CTNNA3: variants seen among roughly 807,000 people sequenced by gnomAD.
The protein encoded by CTNNA3 is catenin alpha 3.
Under a neutral mutation model 95.7 loss-of-function variants are expected in CTNNA3, and 76 were observed. The observed-to-expected ratio is 0.79, with a 90% CI of 0.66 to 0.96. The LOEUF (loss-of-function observed/expected upper bound fraction) is 0.96. Ranked by LOEUF, CTNNA3 falls within the 40% of genes least tolerant of loss-of-function variation. CTNNA3 has a pLI of 0.00. For missense variants in CTNNA3, 1,191 were observed against 1,089.8 expected (o/e 1.09, Z -1.31); for synonymous variants, 431 against 374.4 (o/e 1.15, Z -1.74).
intron 17 of CTNNA3, among the ~76,000 whole-genome samples, chr10:65,935,718 T>C (rs1381612770): frequency 1.3e-5 from 2 of 152,148 alleles, no homozygotes. Context: ...GTGTGTGTAA[T>C]TTTTCTTCTT....
intron 1 of CTNNA3, among the ~76,000 whole-genome samples, chr10:67,691,036 C>T (rs551786544): frequency 1.0e-3 from 154 of 152,338 alleles, no homozygotes; most frequent in African/African-American, 3.3e-3. Context: ...CGATTGCAGG[C>T]GCGCGCCGCC....
chr10:67,739,771 T>C (rs1374314684), intron 1 of CTNNA3, among the ~76,000 whole-genome samples: 1 of 152,172 alleles, frequency 6.6e-6, no homozygotes, highest in Non-Finnish European at 1.5e-5. Flanking sequence ...CCCATCAAGC[T>C]GCCAATGACT....
Position 66,904,220 on chromosome 10 carries a change from A to C in CTNNA3, c.1048-128696T>G, listed in dbSNP as rs1845885454. Among the ~76,000 whole-genome samples, 4 of 152,124 alleles carry C rather than the reference A, an allele frequency of 2.6e-5. No individual in the cohort carries two copies. In the East Asian group the frequency reaches 7.7e-4, roughly 29 times the overall value. On this transcript the variant is annotated intron_variant, in intron 7 of 17. Transcript: ENST00000433211. ...CAGAGGCCTGAGAAATAACACATCC[A>C]CAGCCATCTGATCTTTGACAAACCT...
At chr10:67,003,457 C>T (rs553727451) in intron 7 of CTNNA3, among the ~76,000 whole-genome samples, 19 of 152,150 alleles carry the variant, frequency 1.2e-4, no homozygotes, top group South Asian at 4.2e-4. Context: ...AATCAGAGTG[C>T]GGAGAGGTTC....
intron 7 of CTNNA3, among the ~76,000 whole-genome samples, chr10:67,091,992 C>G (rs560543827): frequency 1.3e-4 from 20 of 152,024 alleles, no homozygotes; most frequent in Middle Eastern, 3.4e-3. Context: ...ATAAACTCAA[C>G]TGAAAACCCC....
intron 11 of CTNNA3, among the ~76,000 whole-genome samples, chr10:66,422,489 T>C (rs1394159169): frequency 6.6e-6 from 1 of 152,172 alleles, no homozygotes; most frequent in Non-Finnish European, 1.5e-5. Flanking sequence ...GTAGGTCTAT[T>C]ATATGCATCA....
At chr10:67,566,770 C>G (rs1402468228) in intron 3 of CTNNA3, among the ~76,000 whole-genome samples, 1 of 151,958 alleles carries the variant, frequency 6.6e-6, no homozygotes, top group Non-Finnish European at 1.5e-5. Flanking sequence ...TGGAACCAAC[C>G]CAAATGTCCA....
At chr10:66,839,396 C>T (rs2132342788) in intron 7 of CTNNA3, among the ~76,000 whole-genome samples, 1 of 152,176 alleles carries the variant, frequency 6.6e-6, no homozygotes, top group African/African-American at 2.4e-5. Context: ...TAGTTCTTAG[C>T]TGACATATGA....
At chr10:66,403,733 C>A (rs1461156179) in intron 11 of CTNNA3, among the ~76,000 whole-genome samples, 1 of 152,192 alleles carries the variant, frequency 6.6e-6, no homozygotes, top group African/African-American at 2.4e-5. Flanking sequence ...CAATCCGCTT[C>A]ATTAATAAAC....
At chr10:66,476,822 T>C (rs1003484166) in intron 11 of CTNNA3, among the ~76,000 whole-genome samples, 12 of 152,100 alleles carry the variant, frequency 7.9e-5, no homozygotes, top group African/African-American at 2.4e-4. Context: ...TTGATATTAA[T>C]GACTCCTTAG....
At chr10:66,005,027 C>T (rs531247477) in intron 15 of CTNNA3, among the ~76,000 whole-genome samples, 17 of 152,254 alleles carry the variant, frequency 1.1e-4, no homozygotes, top group African/African-American at 4.1e-4. Flanking sequence ...AGAGGAGAAT[C>T]CATTCTCTCA....
At chr10:67,158,414 A>C (rs903291910) in intron 7 of CTNNA3, among the ~76,000 whole-genome samples, 3 of 152,178 alleles carry the variant, frequency 2.0e-5, no homozygotes, top group African/African-American at 7.2e-5. Context: ...TCAAGCTTTG[A>C]CTATTCTGGC....
intron 12 of CTNNA3, among the ~76,000 whole-genome samples, chr10:66,305,494 C>A (rs1292639893): frequency 2.0e-5 from 3 of 152,176 alleles, no homozygotes; most frequent in African/African-American, 7.2e-5. Context: ...TTCCTTCCAC[C>A]ATCCTGATTC....
chr10:66,545,527 T>C (rs1174071187), intron 10 of CTNNA3, among the ~76,000 whole-genome samples: 1 of 152,084 alleles, frequency 6.6e-6, no homozygotes, highest in Non-Finnish European at 1.5e-5. Context: ...CCTATATGCA[T>C]CAGTGTCTTC....
At chr10:66,795,136 G>A (rs1052036917) in intron 7 of CTNNA3, among the ~76,000 whole-genome samples, 3 of 152,086 alleles carry the variant, frequency 2.0e-5, no homozygotes, top group African/African-American at 7.2e-5. Context: ...AATCATGAAT[G>A]TTCTTAATGG....
At chr10:67,742,742 G>C (rs1443684148) in intron 1 of CTNNA3, among the ~76,000 whole-genome samples, 1 of 150,838 alleles carries the variant, frequency 6.6e-6, no homozygotes, top group Admixed American at 6.6e-5. Context: ...CAACAAAATT[G>C]ATAGACCGCT....
intron 7 of CTNNA3, among the ~76,000 whole-genome samples, chr10:67,055,253 T>C (rs1206060787): frequency 6.6e-6 from 1 of 152,152 alleles, no homozygotes; most frequent in African/African-American, 2.4e-5. Flanking sequence ...CTTCCATAGG[T>C]GTCACCATTA....
chr10:67,668,666 T>TA (rs1422122900), intron 1 of CTNNA3, among the ~76,000 whole-genome samples: 3 of 151,990 alleles, frequency 2.0e-5, no homozygotes, highest in African/African-American at 7.2e-5. Context: ...GATTGAGACA[T>TA]AACAGGATAA....
At chr10:67,183,023 A>T (rs1862639230) in intron 6 of CTNNA3, among the ~76,000 whole-genome samples, 1 of 152,228 alleles carries the variant, frequency 6.6e-6, no homozygotes, top group Non-Finnish European at 1.5e-5. Context: ...GGCGATCATT[A>T]AAAATTCAAG....
Sources: gnomAD v4.1 joint callset for allele counts (sites outside exome capture counted in the v4.1 genomes callset) on GRCh38, gnomAD v4.1.1 for gene constraint, MANE v1.5 for transcripts, NCBI Gene and HGNC (gene_info 2026-07-23, HGNC 2026-07-21) for gene names.